Variants in ST8SIA6 observed in about 807,000 individuals in gnomAD.
ST8SIA6 encodes ST8 alpha-N-acetyl-neuraminide alpha-2,8-sialyltransferase 6, also known as alpha-2,8-sialyltransferase 8F.
A neutral mutation model predicts 33.6 loss-of-function variants in ST8SIA6; 39 were observed. That is an observed-to-expected ratio of 1.16 (90% confidence interval 0.90 to 1.52). The LOEUF is 1.52. ST8SIA6 is among the 40% of genes most tolerant of loss of function. The pLI is 0.00. For synonymous variants in ST8SIA6, 172 were observed against 167.2 expected, an observed-to-expected ratio of 1.03 and a Z score of -0.22; for missense variants, 441 against 443.8, an observed-to-expected ratio of 0.99 and a Z score of 0.06.
intron 4 of ST8SIA6, among the ~76,000 whole-genome samples, chr10:17,356,629 C>A (rs951385887): frequency 6.6e-6 from 1 of 152,124 alleles, no homozygotes; most frequent in Non-Finnish European, 1.5e-5. Context: ...CTCAAGTGAT[C>A]CACCCACCTC....
intron 4 of ST8SIA6, among the ~76,000 whole-genome samples, chr10:17,348,654 C>T (rs17364837): frequency 0.013 from 2,039 of 152,272 alleles, 23 homozygotes; most frequent in Non-Finnish European, 0.022. Flanking sequence ...GCATCTCAGG[C>T]ATTGTTCCAG....
Position 17,454,217 on chromosome 10 carries a change from G to T in ST8SIA6, c.39C>A (p.Ser13Arg). ...GGCGCAGCAGCAGCAGCAGCAGCAG[G>T]CTGGCGAGCAGGGCGAGCAGTGCGC... ...PGGALLALLA[S>R]LLLLLLLRLL... is the part of the protein sequence containing the mutation. The change falls in exon 1 of 8, where the codon AGC becomes AGA. Residue 13 changes from serine (S) to arginine (R), a missense_variant. Physicochemically the swap from Ser to Arg is moderately radical, Grantham distance 110. Transcript: ENST00000377602. This position sits in a 1 kb window ranked among gnomAD's most constrained non-coding sequence, Gnocchi z 4.1. The T allele has an allele frequency of 3.7e-6, 1 of 272,374 alleles. No individual in the cohort carries two copies. Among genetic ancestry groups the T allele is most frequent in the East Asian group, 7.3e-5 (1 of 13,720 alleles). The allele number at this position is 272,374 out of a possible 1,614,324, so 16.9% of individuals were successfully genotyped here. A position where few individuals can be genotyped will look rare whatever the true frequency, so the allele number is the denominator to read the frequency against.
In ST8SIA6 at chr10:17,316,133, A is replaced by G. The variant is rs181952808; in HGVS notation, c.*4745T>C. Among the ~76,000 whole-genome samples the G allele has an allele frequency of 6.6e-6, 1 of 151,938 alleles. No individual in the cohort carries two copies. Among genetic ancestry groups the G allele is most frequent in the Non-Finnish European group, 1.5e-5 (1 of 67,878 alleles). ...CTGTATTAAATATAATAACATGTATATTTTTCTTCTTTATCCCTAAACCCA... is the reference window on the plus strand; with the variant it reads ...CTGTATTAAATATAATAACATGTATGTTTTTCTTCTTTATCCCTAAACCCA... On this transcript the variant is annotated 3_prime_UTR_variant, in exon 8 of 8. Transcript: ENST00000377602.
intron 2 of ST8SIA6, among the ~76,000 whole-genome samples, chr10:17,396,305 GGAAAAAAA>G (rs1850803720): frequency 6.6e-6 from 1 of 152,002 alleles, no homozygotes; most frequent in South Asian, 2.1e-4. Flanking sequence ...GAGGAGTGCT[GGAAAAAAA>G]ATCATGCGGG....
intron 2 of ST8SIA6, among the ~76,000 whole-genome samples, chr10:17,405,883 T>TAAA (rs1851238219): frequency 8.6e-6 from 1 of 116,588 alleles, no homozygotes; most frequent in African/African-American, 3.5e-5. Flanking sequence ...AGACTCCATT[T>TAAA]CAAAAAAAAA....
chr10:17,407,601 G>T (rs1454895337), intron 2 of ST8SIA6, among the ~76,000 whole-genome samples: 2 of 152,118 alleles, frequency 1.3e-5, no homozygotes, highest in Non-Finnish European at 2.9e-5. Flanking sequence ...CCATCTCCTG[G>T]CTGGGTTGCC....
chr10:17,404,103 A>G, intron 2 of ST8SIA6, among the ~76,000 whole-genome samples: 1 of 151,060 alleles, frequency 6.6e-6, no homozygotes, highest in South Asian at 2.1e-4. Flanking sequence ...AGGCCATAAG[A>G]GTGATGTATA....
intron 4 of ST8SIA6, among the ~76,000 whole-genome samples, chr10:17,352,857 A>G (rs965359905): frequency 2.0e-5 from 3 of 152,180 alleles, no homozygotes; most frequent in African/African-American, 7.2e-5. Flanking sequence ...ATATGACAGT[A>G]TATTAATGCT....
chr10:17,353,383 T>C (rs1434540311), intron 4 of ST8SIA6, among the ~76,000 whole-genome samples: 1 of 152,192 alleles, frequency 6.6e-6, no homozygotes, highest in Admixed American at 6.5e-5. Flanking sequence ...CATTAAATGG[T>C]ATGGTTTGAA....
chr10:17,356,034 G>C (rs1039401191), intron 4 of ST8SIA6, among the ~76,000 whole-genome samples: 3 of 152,104 alleles, frequency 2.0e-5, no homozygotes, highest in African/African-American at 7.2e-5. Flanking sequence ...ATATATGACA[G>C]TATTTGTCTA....
At chr10:17,358,646 A>AAAG (rs1288394756) in intron 4 of ST8SIA6, among the ~76,000 whole-genome samples, 3 of 123,480 alleles carry the variant, frequency 2.4e-5, no homozygotes, top group African/African-American at 6.0e-5. Flanking sequence ...AGGAGAAGAA[A>AAAG]AAGAATAAGG....
intron 2 of ST8SIA6, among the ~76,000 whole-genome samples, chr10:17,400,966 A>G (rs1219303998): frequency 1.3e-5 from 2 of 152,208 alleles, no homozygotes; most frequent in Non-Finnish European, 2.9e-5. Flanking sequence ...AGGGTATTCA[A>G]TTAGGAAAAG....
chr10:17,333,676 T>G (rs28711677), intron 4 of ST8SIA6, among the ~76,000 whole-genome samples: 6,649 of 20,356 alleles, frequency 0.33, 530 homozygotes, highest in South Asian at 0.41. Flanking sequence ...TGCTGGGATA[T>G]ATATATATAT....
At chr10:17,407,667 T>C (rs74117648) in intron 2 of ST8SIA6, among the ~76,000 whole-genome samples, 4 of 152,352 alleles carry the variant, frequency 2.6e-5, no homozygotes, top group African/African-American at 9.6e-5. Flanking sequence ...ACTGGCTTAC[T>C]GTGTGCAGGC....
chr10:17,450,858 A>T (rs565783713), intron 2 of ST8SIA6, among the ~76,000 whole-genome samples: 8 of 152,192 alleles, frequency 5.3e-5, no homozygotes, highest in Non-Finnish European at 1.2e-4. Flanking sequence ...GTCACCTCTA[A>T]GCTTTTGCCT....
intron 6 of ST8SIA6, 60 bp downstream of exon 6, chr10:17,326,954 C>T (rs1254758298): frequency 3.4e-6 from 4 of 1,160,624 alleles, no homozygotes; most frequent in Non-Finnish European, 4.9e-6. Context: ...TTTACACTAT[C>T]CCCCTCTGAA....
At chr10:17,323,241 A>T (rs959833063) in intron 6 of ST8SIA6, 84 bp from the exon 7 acceptor site, 8 of 792,646 alleles carry the variant, frequency 1.0e-5, no homozygotes, top group Non-Finnish European at 1.7e-5. Flanking sequence ...ACACACACAC[A>T]CACACACACC....
In ST8SIA6 at chr10:17,320,328, C is replaced by G. The variant is rs1415274053; in HGVS notation, c.*550G>C. 6.6e-6 allele frequency: 1 copy of G among 152,538 alleles called. No individual in the cohort carries two copies. Among genetic ancestry groups the G allele is most frequent in the East Asian group, 1.9e-4 (1 of 5,208 alleles). The allele number at this position is 152,538 out of a possible 1,614,324, so 9.4% of individuals were successfully genotyped here. Reference sequence around the variant, plus strand: ...AGCTACTATTAAAAGTGAATTTAATCAGAAGCAGGCATACTGCCATACTCA... The same window carrying G: ...AGCTACTATTAAAAGTGAATTTAATGAGAAGCAGGCATACTGCCATACTCA... On this transcript the variant is annotated 3_prime_UTR_variant, in exon 8 of 8. Transcript: ENST00000377602.
intron 2 of ST8SIA6, among the ~76,000 whole-genome samples, chr10:17,397,547 T>C (rs1278301526): frequency 6.6e-6 from 1 of 152,162 alleles, no homozygotes. Flanking sequence ...CTGTGCACAT[T>C]TGATCACATC....
Sources: gnomAD v4.1 joint callset for allele counts (sites outside exome capture counted in the v4.1 genomes callset) on GRCh38, gnomAD v4.1.1 for gene constraint, Gnocchi (gnomAD v3.1) non-coding constraint, MANE v1.5 for transcripts, NCBI Gene and HGNC (gene_info 2026-07-23, HGNC 2026-07-21) for gene names.